NOTCH2NLC: variants seen among roughly 807,000 people sequenced by gnomAD.
NOTCH2NLC encodes the protein notch 2 N-terminal like C, also known as notch homolog 2 N-terminal-like protein C.
Under a neutral mutation model 17.7 loss-of-function variants are expected in NOTCH2NLC, and 4 were observed. The ratio of observed to expected loss-of-function variants is 0.23; its 90% CI spans 0.11 to 0.52. The LOEUF is 0.52. NOTCH2NLC is among the 20% of genes least tolerant of loss of function. The pLI is 0.96. For missense variants in NOTCH2NLC, 57 were observed against 207.2 expected, an observed-to-expected ratio of 0.28 and a Z score of 4.45; for synonymous variants, 18 against 86.0, an observed-to-expected ratio of 0.21 and a Z score of 4.38.
At position 149,467,673 on chromosome 1, in the gene NOTCH2NLC, A is replaced by G; in HGVS notation, c.*3520A>G. ...GAGCATGAAAATAAATTATTAAATCATTTACTCCCACTATTTTTGGGTTAG... is the reference window on the plus strand; with the variant it reads ...GAGCATGAAAATAAATTATTAAATCGTTTACTCCCACTATTTTTGGGTTAG... On this transcript the variant is annotated 3_prime_UTR_variant, in exon 5 of 5. Transcript: ENST00000650865. The G allele has an allele frequency of 1.2e-5, 1 of 85,230 alleles. No homozygotes were observed. Among genetic ancestry groups the G allele is most frequent in the Admixed American group, 1.4e-4 (1 of 7,370 alleles). 5.3% of individuals were successfully genotyped at this position (85,230 alleles called of 1,614,324 possible).
At chr1:149,419,881 T>TTTTC (rs1250543021) in intron 1 of NOTCH2NLC, among the ~76,000 whole-genome samples, 86 of 118,244 alleles carry the variant, frequency 7.3e-4, no homozygotes, top group South Asian at 1.4e-3. Flanking sequence ...TTTTTTTTTT[T>TTTTC]CCTCAGGCAG....
intron 1 of NOTCH2NLC, among the ~76,000 whole-genome samples, chr1:149,409,318 G>A (rs2084285813): frequency 6.7e-6 from 1 of 148,596 alleles, no homozygotes; most frequent in South Asian, 2.1e-4. Context: ...AACTCTGTGT[G>A]TGTGTGTGCA....
At chr1:149,426,559 C>G (rs1414175090) in intron 1 of NOTCH2NLC, among the ~76,000 whole-genome samples, 3 of 128,820 alleles carry the variant, frequency 2.3e-5, no homozygotes, top group Non-Finnish European at 3.2e-5. Flanking sequence ...AGATTGAAAT[C>G]TACTACTTCT....
At chr1:149,420,467 TATA>T (rs1223980997) in intron 1 of NOTCH2NLC, among the ~76,000 whole-genome samples, 5 of 145,868 alleles carry the variant, frequency 3.4e-5, no homozygotes, top group African/African-American at 1.0e-4. Context: ...AAACTTAAAG[TATA>T]ATAATAAAAA....
Position 149,419,174 on chromosome 1 carries a change from A to AC in NOTCH2NLC, c.136-11762dup, listed in dbSNP as rs1333581538. 1.2e-4 allele frequency among the ~76,000 whole-genome samples: 17 copies of AC among 145,964 alleles called. 1 individual carries two copies. The highest frequency in any genetic ancestry group is 6.1e-5 in the Non-Finnish European group (4 of 65,922). ...AAAGCCAATACCCCTTCTAGGGCTT[A>AC]CCCCCCATTTTAAAATTTAATATAT... On this transcript the variant is annotated intron_variant, in intron 1 of 4. Transcript: ENST00000650865.
intron 2 of NOTCH2NLC, among the ~76,000 whole-genome samples, chr1:149,437,466 GT>G (rs2084488770): frequency 1.2e-5 from 1 of 85,560 alleles, no homozygotes; most frequent in African/African-American, 3.5e-5. Context: ...ATAGTTTTTT[GT>G]TGTTGTTTTT....
At chr1:149,419,523 T>G (rs2084366420) in intron 1 of NOTCH2NLC, among the ~76,000 whole-genome samples, 1 of 150,768 alleles carries the variant, frequency 6.6e-6, no homozygotes, top group Non-Finnish European at 1.5e-5. Flanking sequence ...TGTTAGTGTG[T>G]TGAGCTGCTT....
At chr1:149,413,693 G>C (rs1405661529) in intron 1 of NOTCH2NLC, among the ~76,000 whole-genome samples, 3 of 151,002 alleles carry the variant, frequency 2.0e-5, no homozygotes, top group Admixed American at 2.0e-4. Flanking sequence ...GTTCCTCATA[G>C]CCTGGCTTAC....
At chr1:149,398,336 C>T (rs1300690348) in intron 1 of NOTCH2NLC, among the ~76,000 whole-genome samples, 4 of 149,290 alleles carry the variant, frequency 2.7e-5, no homozygotes, top group Non-Finnish European at 4.5e-5. Context: ...AGTGGGTTTG[C>T]GGCAAGAGAG....
chr1:149,429,266 C>T (rs2084430515), intron 1 of NOTCH2NLC, among the ~76,000 whole-genome samples: 1 of 150,688 alleles, frequency 6.6e-6, no homozygotes, highest in Non-Finnish European at 1.5e-5. Flanking sequence ...CATAAAGAGG[C>T]CACTTATTCT....
intron 1 of NOTCH2NLC, among the ~76,000 whole-genome samples, chr1:149,404,193 TC>T (rs1436113840): frequency 6.7e-6 from 1 of 148,658 alleles, no homozygotes; most frequent in African/African-American, 2.5e-5. Context: ...ACAAACATAA[TC>T]ACATGCCATC....
At chr1:149,399,320 G>A (rs2084230391) in intron 1 of NOTCH2NLC, among the ~76,000 whole-genome samples, 1 of 146,922 alleles carries the variant, frequency 6.8e-6, no homozygotes, top group Non-Finnish European at 1.5e-5. Context: ...AGCAGGGAGA[G>A]GTTGTTCTAT....
intron 3 of NOTCH2NLC, among the ~76,000 whole-genome samples, chr1:149,460,774 A>T (rs1203921600): frequency 6.7e-6 from 1 of 149,512 alleles, no homozygotes; most frequent in Non-Finnish European, 1.5e-5. Flanking sequence ...TCAGAGATGA[A>T]GAAGCATAGG....
intron 2 of NOTCH2NLC, among the ~76,000 whole-genome samples, chr1:149,449,755 C>T (rs2084580994): frequency 1.3e-5 from 2 of 151,404 alleles, no homozygotes; most frequent in African/African-American, 4.8e-5. Flanking sequence ...TTTTATCACC[C>T]TGAAAGAAAT....
chr1:149,449,129 C>T (rs1183566114), intron 2 of NOTCH2NLC, among the ~76,000 whole-genome samples: 2 of 150,410 alleles, frequency 1.3e-5, no homozygotes, highest in African/African-American at 4.9e-5. Context: ...GATCTGCCTG[C>T]CTCGGCCTCC....
intron 3 of NOTCH2NLC, among the ~76,000 whole-genome samples, chr1:149,460,883 CT>C (rs1287904196): frequency 1.5e-5 from 2 of 132,620 alleles, no homozygotes; most frequent in Admixed American, 7.6e-5. Flanking sequence ...TTCTTTCTTT[CT>C]TTCTTTCTTT....
At chr1:149,460,901 TTCTTTCTTTCTTTCTCTCTCTTTCTC>T (rs2084644863) in intron 3 of NOTCH2NLC, among the ~76,000 whole-genome samples, 2 of 66,300 alleles carry the variant, frequency 3.0e-5, no homozygotes, top group Non-Finnish European at 6.9e-5. Flanking sequence ...CTTTCTTTCT[TTCTTTCTTTCTTTCTCTCTCTTTCTC>T]TCTTTCTCTC....
At chr1:149,412,136 A>C (rs1183630642) in intron 1 of NOTCH2NLC, among the ~76,000 whole-genome samples, 7 of 147,876 alleles carry the variant, frequency 4.7e-5, no homozygotes, top group African/African-American at 1.5e-4. Context: ...AAAAACAAAA[A>C]AAAAACAAAA....
Position 149,417,195 on chromosome 1 carries a change from C to T in NOTCH2NLC, c.136-13747C>T, listed in dbSNP as rs1261366996. Among the ~76,000 whole-genome samples the T allele has an allele frequency of 3.6e-3, 519 of 145,416 alleles. 12 individuals carry two copies. Among genetic ancestry groups the T allele is most frequent in the African/African-American group, 0.013 (499 of 39,626 alleles). ...CGCGATCTCTGCTCACTGCAAGCTC[C>T]GCCTCCCGGGTTCACGCCATTCTCC... On this transcript the variant is annotated intron_variant, in intron 1 of 4. Transcript: ENST00000650865.
Sources: allele counts gnomAD v4.1 joint callset (sites outside exome capture counted in the v4.1 genomes callset), GRCh38; gene constraint gnomAD v4.1.1; transcripts MANE v1.5; gene names NCBI Gene and HGNC (gene_info 2026-07-23, HGNC 2026-07-21).